Variants in CDH12 observed in about 807,000 individuals in gnomAD.
CDH12 encodes the protein cadherin 12.
In CDH12, 41 loss-of-function variants were observed where a neutral mutation model predicts 74.1. The observed-to-expected ratio is 0.55, with a 90% confidence interval of 0.43 to 0.72. The LOEUF (loss-of-function observed/expected upper bound fraction) is 0.72, where lower values mean the gene tolerates loss of function less well. Ranked by LOEUF, CDH12 falls within the 30% of genes least tolerant of loss-of-function variation. The probability of loss-of-function intolerance (pLI) is 0.00; values close to 1 mark genes in which losing one functional copy is unlikely to be tolerated. For synonymous variants in CDH12, 399 were observed against 355.0 expected (o/e 1.12, Z -1.39); for missense variants, 945 against 977.2 (o/e 0.97, Z 0.44).
At chr5:21,800,744 G>A (rs544386022) in intron 10 of CDH12, among the ~76,000 whole-genome samples, 25 of 152,332 alleles carry the variant, frequency 1.6e-4, no homozygotes, top group Middle Eastern at 3.4e-3. Context: ...CCTTGTGGGA[G>A]GTGATTGGCT....
chr5:22,459,472 A>G (rs1376379219), intron 2 of CDH12, among the ~76,000 whole-genome samples: 1 of 152,202 alleles, frequency 6.6e-6, no homozygotes, highest in Non-Finnish European at 1.5e-5. Flanking sequence ...ACTGTGTGAG[A>G]CAAGAGTATG....
At chr5:22,679,754 T>C (rs1277657145) in intron 1 of CDH12, among the ~76,000 whole-genome samples, 1 of 152,156 alleles carries the variant, frequency 6.6e-6, no homozygotes, top group African/African-American at 2.4e-5. Context: ...GAATTTATTA[T>C]GTACATGCTA....
intron 3 of CDH12, among the ~76,000 whole-genome samples, chr5:22,245,068 T>C (rs1404572198): frequency 6.6e-6 from 1 of 152,092 alleles, no homozygotes; most frequent in Non-Finnish European, 1.5e-5. Flanking sequence ...GGGGAGGTGC[T>C]AGGAAAAGAT....
At chr5:22,292,772 A>C (rs1293675611) in intron 3 of CDH12, among the ~76,000 whole-genome samples, 1 of 152,184 alleles carries the variant, frequency 6.6e-6, no homozygotes, top group Non-Finnish European at 1.5e-5. Context: ...ATGTAGAAAA[A>C]CAAGAATCCT....
At chr5:21,916,258 A>C (rs1315713334) in intron 6 of CDH12, among the ~76,000 whole-genome samples, 2 of 152,178 alleles carry the variant, frequency 1.3e-5, no homozygotes, top group Non-Finnish European at 2.9e-5. Flanking sequence ...TTTGTCTCCC[A>C]TAAACTTGGC....
At chr5:22,003,336 C>T (rs1736717888) in intron 5 of CDH12, among the ~76,000 whole-genome samples, 1 of 152,110 alleles carries the variant, frequency 6.6e-6, no homozygotes, top group Non-Finnish European at 1.5e-5. Context: ...AATTTCTTGC[C>T]TTGCTATTCC....
At chr5:22,664,664 G>C (rs1036479060) in intron 1 of CDH12, among the ~76,000 whole-genome samples, 1 of 152,116 alleles carries the variant, frequency 6.6e-6, no homozygotes, top group Non-Finnish European at 1.5e-5. Context: ...GGTGTTTCCT[G>C]TGTTCACTTA....
At position 22,709,167 on chromosome 5, in the gene CDH12, T is replaced by G. The variant is rs537011954; in HGVS notation, c.-523+143891A>C. Reference sequence around the variant, plus strand: ...GAAGAGAGAGAGTGGCCACAAATTCTGAGAACTGCTAAATGCAAGTCAGTT... The same window carrying G: ...GAAGAGAGAGAGTGGCCACAAATTCGGAGAACTGCTAAATGCAAGTCAGTT... On this transcript the variant is annotated intron_variant, in intron 1 of 14. Coordinates refer to ENST00000382254, the MANE Select transcript of CDH12 (RefSeq NM_004061.5). 3.3e-5 allele frequency among the ~76,000 whole-genome samples: 5 copies of G among 152,290 alleles called. No homozygotes were observed. The East Asian group carries it at 9.7e-4, about 29-fold the overall frequency.
intron 1 of CDH12, among the ~76,000 whole-genome samples, chr5:22,640,155 C>G (rs1348952116): frequency 6.6e-6 from 1 of 152,092 alleles, no homozygotes; most frequent in Non-Finnish European, 1.5e-5. Context: ...TGGATCCACT[C>G]TATTAAATTT....
In CDH12 at chr5:22,154,524, T is replaced by C. The variant is rs553125785; in HGVS notation, c.-187+57974A>G. 2.7e-4 allele frequency among the ~76,000 whole-genome samples: 10 copies of C among 37,314 alleles called. No homozygotes were observed. The East Asian group carries it at 6.4e-3, about 24-fold the overall frequency. 24.5% of individuals were successfully genotyped at this position (37,314 alleles called of 152,430 possible). On this transcript the variant is annotated intron_variant, in intron 4 of 14. Coordinates refer to ENST00000382254, the MANE Select transcript of CDH12 (RefSeq NM_004061.5). ...ACACATATATATGTACACATATATATACACATATGTATATATGTATATGTG... is the reference window on the plus strand; with the variant it reads ...ACACATATATATGTACACATATATACACACATATGTATATATGTATATGTG...
intron 1 of CDH12, among the ~76,000 whole-genome samples, chr5:22,718,621 A>G (rs1743711766): frequency 6.6e-6 from 1 of 152,132 alleles, no homozygotes; most frequent in African/African-American, 2.4e-5. Context: ...AACACTGTGA[A>G]GTATGGTGGG....
intron 6 of CDH12, chr5:21,884,257 C>T: frequency 6.7e-7 from 1 of 1,498,854 alleles, no homozygotes; most frequent in South Asian, 1.1e-5. Flanking sequence ...GAGAAGGACC[C>T]TGGAATGGGT....
chr5:22,224,844 TA>T (rs1257877804), intron 3 of CDH12, among the ~76,000 whole-genome samples: 1 of 151,726 alleles, frequency 6.6e-6, no homozygotes. Context: ...ATAACAAACT[TA>T]AAATATTTTA....
chr5:22,485,396 GC>G lies in CDH12; in HGVS notation c.-428+19873del, dbSNP rs892571202. On this transcript the variant is annotated intron_variant, in intron 2 of 14. Coordinates refer to ENST00000382254, the MANE Select transcript of CDH12 (RefSeq NM_004061.5). ...AAAAGAGACAGGTCCTTGCTATGTT[GC>G]CCAAGCTGGTCTTAAACTCCTGGCT... is the stretch of plus-strand genomic sequence containing the variant. Among the ~76,000 whole-genome samples, 44 of 152,136 alleles carry G rather than the reference GC, an allele frequency of 2.9e-4. 1 individual carries two copies.
intron 2 of CDH12, among the ~76,000 whole-genome samples, chr5:22,463,962 G>A (rs895324710): frequency 2.6e-5 from 4 of 152,096 alleles, no homozygotes; most frequent in African/African-American, 4.8e-5. Flanking sequence ...CATTTGATAT[G>A]GTTTGGTTGT....
chr5:21,751,609 A>AAAGAGTGT lies in CDH12; in HGVS notation c.*127_*128insACACTCTT, dbSNP rs1554025828. 547 of 556,140 alleles carry AAAGAGTGT rather than the reference A, an allele frequency of 9.8e-4. 2 individuals carry two copies. The African/African-American group carries it at 0.011, about 11-fold the overall frequency. 34.5% of individuals were successfully genotyped at this position (556,140 alleles called of 1,614,324 possible). On this transcript the variant is annotated 3_prime_UTR_variant, in exon 15 of 15. Transcript: ENST00000382254. ...GGTAATCAAAGGAATCTTGTCCCAG[A>AAAGAGTGT]GTGTGTGTGTGTGTGTGTGTGTTTG...
chr5:22,127,091 G>A (rs971735471), intron 4 of CDH12, among the ~76,000 whole-genome samples: 28 of 152,200 alleles, frequency 1.8e-4, no homozygotes, highest in Middle Eastern at 6.8e-3. Context: ...ATAGCATGCC[G>A]CAGAAATCAT....
chr5:22,522,200 G>C (rs1464006571), intron 1 of CDH12, among the ~76,000 whole-genome samples: 5 of 152,094 alleles, frequency 3.3e-5, no homozygotes, highest in Non-Finnish European at 7.4e-5. Context: ...TAGTTAGTAT[G>C]GTATTAATGC....
At chr5:21,759,097 AG>A (rs770336120) in intron 13 of CDH12, among the ~76,000 whole-genome samples, 24 of 152,164 alleles carry the variant, frequency 1.6e-4, no homozygotes, top group Middle Eastern at 6.3e-3. Flanking sequence ...ACAAAGTGCT[AG>A]GATTCAGTGC....
Sources: gnomAD v4.1 joint callset for allele counts (sites outside exome capture counted in the v4.1 genomes callset) on GRCh38, gnomAD v4.1.1 for gene constraint, MANE v1.5 for transcripts, NCBI Gene and HGNC (gene_info 2026-07-23, HGNC 2026-07-21) for gene names.